FARP1: variants seen among roughly 807,000 people sequenced by gnomAD.
FARP1 encodes FERM, ARHGEF and pleckstrin domain-containing protein 1.
A neutral mutation model predicts 128.8 loss-of-function variants in FARP1; 52 were observed. The ratio of observed to expected loss-of-function variants is 0.40; its 90% CI spans 0.32 to 0.51. The LOEUF is 0.51. Among genes scored for constraint, FARP1 ranks in the 20% least tolerant of loss-of-function variants. FARP1 has a pLI of 0.45. For missense variants in FARP1, 1,333 were observed against 1,367.9 expected, an observed-to-expected ratio of 0.97 and a Z score of 0.40; for synonymous variants, 580 against 551.8, an observed-to-expected ratio of 1.05 and a Z score of -0.72.
At chr13:98,293,925 G>A (rs562783223) in intron 2 of FARP1, among the ~76,000 whole-genome samples, 1 of 152,306 alleles carries the variant, frequency 6.6e-6, no homozygotes, top group African/African-American at 2.4e-5. Flanking sequence ...GTTCCCAGAT[G>A]TTTTTGGGAT....
chr13:98,203,140 C>T (rs1326566061), intron 1 of FARP1, among the ~76,000 whole-genome samples: 1 of 152,226 alleles, frequency 6.6e-6, no homozygotes, highest in African/African-American at 2.4e-5. Context: ...AGGCTGGCCG[C>T]CTCACTGGAG....
intron 2 of FARP1, among the ~76,000 whole-genome samples, chr13:98,308,433 A>ATTAG (rs1478623071): frequency 6.7e-6 from 1 of 148,930 alleles, no homozygotes; most frequent in African/African-American, 2.6e-5. Context: ...CAGCGAATGC[A>ATTAG]TCACCTGAGG....
chr13:98,213,453 G>C (rs1880857821), intron 2 of FARP1, 40 bp downstream of exon 2: 2 of 1,598,150 alleles, frequency 1.3e-6, no homozygotes, highest in Non-Finnish European at 1.7e-6. Context: ...AGTGTGGTAG[G>C]GGACAGCCTT....
intron 2 of FARP1, chr13:98,332,361 C>G (rs1448601091): frequency 3.3e-5 from 5 of 152,096 alleles, no homozygotes; most frequent in East Asian, 1.9e-4. Flanking sequence ...AGCTTTCCAG[C>G]TTTTCAAAGG....
rs766765934 is a variant in FARP1, at chr13:98,176,981, C to T, written c.-24+33489C>T. The T allele has an allele frequency of 3.1e-6, 5 of 1,599,806 alleles. No homozygotes were observed. In the Admixed American group the frequency reaches 8.3e-5, roughly 27 times the overall value. The stretch of plus-strand genomic sequence containing the variant: ...TACACCACGTCGAGGCTCTCAGGCG[C>T]CGCCTCCTCGCCCCTCCTGTCGCCG... On this transcript the variant is annotated intron_variant, in intron 1 of 26. Coordinates refer to ENST00000319562, the MANE Select transcript of FARP1 (RefSeq NM_005766.4). The surrounding 1 kb of genome is among the most constrained non-coding windows in gnomAD (Gnocchi z 6.2).
At chr13:98,263,069 C>T (rs775099194) in intron 2 of FARP1, among the ~76,000 whole-genome samples, 22 of 152,176 alleles carry the variant, frequency 1.4e-4, no homozygotes, top group Non-Finnish European at 3.1e-4. Context: ...AGTGCCGTCG[C>T]GCAATCTCGG....
chr13:98,395,970 G>A lies in FARP1; in HGVS notation c.1414+494G>A, dbSNP rs920106074. 7 of 399,106 alleles carry A rather than the reference G, an allele frequency of 1.8e-5. No homozygotes were observed. The Admixed American group carries it at 2.6e-4, about 15-fold the overall frequency. 24.7% of individuals were successfully genotyped at this position (399,106 alleles called of 1,614,324 possible). ...GACATGACCATAGAGAGGGGAGTAT[G>A]GGAGAAGACACTCTCCCGGACCAGG... On this transcript the variant is annotated intron_variant, in intron 13 of 26. Transcript: ENST00000319562.
At chr13:98,159,089 G>A (rs186108092) in intron 1 of FARP1, among the ~76,000 whole-genome samples, 119 of 152,332 alleles carry the variant, frequency 7.8e-4, no homozygotes, top group African/African-American at 2.8e-3. Context: ...TGAGTCTAGT[G>A]TGTGAACAAG....
At chr13:98,272,395 A>G (rs968731307) in intron 2 of FARP1, among the ~76,000 whole-genome samples, 1 of 152,216 alleles carries the variant, frequency 6.6e-6, no homozygotes, top group Non-Finnish European at 1.5e-5. Flanking sequence ...CCCAACAGTC[A>G]TTATGATAGA....
intron 2 of FARP1, among the ~76,000 whole-genome samples, chr13:98,321,325 T>C (rs1010921844): frequency 6.6e-6 from 1 of 152,198 alleles, no homozygotes; most frequent in Non-Finnish European, 1.5e-5. Flanking sequence ...GTTAACTTGT[T>C]GAAAGTCTTG....
intron 2 of FARP1, among the ~76,000 whole-genome samples, chr13:98,338,217 C>T (rs1311076631): frequency 6.6e-6 from 1 of 152,188 alleles, no homozygotes; most frequent in Non-Finnish European, 1.5e-5. Context: ...ACATTAAGTA[C>T]ATCCACATCG....
At chr13:98,265,827 G>A (rs1326388854) in intron 2 of FARP1, among the ~76,000 whole-genome samples, 3 of 152,150 alleles carry the variant, frequency 2.0e-5, no homozygotes, top group East Asian at 1.9e-4. Context: ...TGGGGATGCC[G>A]TCACAGACTT....
At chr13:98,219,429 A>G (rs1881284012) in intron 2 of FARP1, among the ~76,000 whole-genome samples, 1 of 151,592 alleles carries the variant, frequency 6.6e-6, no homozygotes, top group African/African-American at 2.4e-5. Flanking sequence ...ATCATAGCTC[A>G]CTGCAGCCTC....
chr13:98,238,775 GAC>G (rs1462251285), intron 2 of FARP1, among the ~76,000 whole-genome samples: 1 of 152,114 alleles, frequency 6.6e-6, no homozygotes, highest in Non-Finnish European at 1.5e-5. Context: ...TTTGGGTGGG[GAC>G]ACAGCCAAAC....
intron 2 of FARP1, chr13:98,333,142 C>G (rs1342849130): frequency 1.3e-5 from 2 of 152,134 alleles, no homozygotes; most frequent in African/African-American, 4.8e-5. Flanking sequence ...GTCCTACTTT[C>G]TACAAGCAGT....
chr13:98,289,446 C>G (rs1296368275), intron 2 of FARP1, among the ~76,000 whole-genome samples: 5 of 152,170 alleles, frequency 3.3e-5, no homozygotes, highest in African/African-American at 1.2e-4. Context: ...GCATCTATTT[C>G]CAATGATAGA....
rs554170438 is a variant in FARP1, at chr13:98,220,280, A to G, written c.171+6867A>G. On this transcript the variant is annotated intron_variant, in intron 2 of 26. Transcript: ENST00000319562. ...TTCTTTTGCCCCAAATGCTTCACAC[A>G]TAAGAGGTGGAGGTGGTGGAGGAGG... Among the ~76,000 whole-genome samples, 41 of 152,236 alleles carry G rather than the reference A, an allele frequency of 2.7e-4. 1 individual carries two copies. Among genetic ancestry groups the G allele is most frequent in the East Asian group, 1.2e-3 (6 of 5,172 alleles).
intron 3 of FARP1, among the ~76,000 whole-genome samples, chr13:98,356,307 T>G (rs181603671): frequency 6.6e-6 from 1 of 152,224 alleles, no homozygotes. Flanking sequence ...CACAAACAGG[T>G]GGTGTAAGTA....
At chr13:98,273,641 G>T (rs140656580) in intron 2 of FARP1, among the ~76,000 whole-genome samples, 1 of 152,332 alleles carries the variant, frequency 6.6e-6, no homozygotes, top group Non-Finnish European at 1.5e-5. Flanking sequence ...GAAGCATCTG[G>T]CACAGTGGGC....
Sources: allele counts gnomAD v4.1 joint callset (sites outside exome capture counted in the v4.1 genomes callset), GRCh38; gene constraint gnomAD v4.1.1; non-coding constraint Gnocchi (gnomAD v3.1); transcripts MANE v1.5; gene names NCBI Gene and HGNC (gene_info 2026-07-23, HGNC 2026-07-21).